Variants in STX11 observed in about 807,000 individuals in gnomAD.
The protein encoded by STX11 is syntaxin 11.
A neutral mutation model predicts 19.9 loss-of-function variants in STX11; 21 were observed. That is an observed-to-expected ratio of 1.06 (90% CI 0.75 to 1.52). The LOEUF (loss-of-function observed/expected upper bound fraction) is 1.52, where lower values mean the gene tolerates loss of function less well. Ranked by LOEUF, STX11 falls within the 40% of genes most tolerant of loss-of-function variation. The pLI is 0.00. For missense variants in STX11, 438 were observed against 405.9 expected (o/e 1.08, Z -0.68); for synonymous variants, 193 against 174.4 (o/e 1.11, Z -0.84).
rs1211802333 is a variant in STX11 at position 144,159,368 on chromosome 6, AC to A, written c.-6+8668del. On this transcript the variant is annotated intron_variant, in intron 1 of 1. Transcript: ENST00000367568. This position sits in a 1 kb window ranked among gnomAD's most constrained non-coding sequence, Gnocchi z 4.3. ...GCGAAGTGAAATTATAGAGCTGGAA[AC>A]CCAGCCTAGTCTAAGGTCAGAGGAA... is the stretch of plus-strand genomic sequence containing the variant. Among the ~76,000 whole-genome samples the A allele has an allele frequency of 2.6e-5, 4 of 152,334 alleles. No homozygotes were observed. The highest frequency in any genetic ancestry group is 2.0e-4 in the Admixed American group (3 of 15,298).
chr6:144,159,885 C>T lies in STX11; in HGVS notation c.-6+9182C>T, dbSNP rs939320456. ...TGCCCACTGAGGTTTCTCATCTTTC[C>T]AGGTCACTTTTGATGCCCTGGGTGA... On this transcript the variant is annotated intron_variant, in intron 1 of 1. Coordinates refer to ENST00000367568, the MANE Select transcript of STX11 (RefSeq NM_003764.4). This position sits in a 1 kb window ranked among gnomAD's most constrained non-coding sequence, Gnocchi z 4.3. Among the ~76,000 whole-genome samples, 2 of 152,120 alleles carry T rather than the reference C, an allele frequency of 1.3e-5. No individual in the cohort carries two copies. The highest frequency in any genetic ancestry group is 2.9e-5 in the Non-Finnish European group (2 of 68,024).
rs929298567 is a variant in STX11 at position 144,154,773 on chromosome 6, C to T, written c.-6+4070C>T. Among the ~76,000 whole-genome samples, 32 of 152,164 alleles carry T rather than the reference C, an allele frequency of 2.1e-4. No homozygotes were observed. Among genetic ancestry groups the T allele is most frequent in the African/African-American group, 7.0e-4 (29 of 41,426 alleles). On this transcript the variant is annotated intron_variant, in intron 1 of 1. Coordinates refer to ENST00000367568, the MANE Select transcript of STX11 (RefSeq NM_003764.4). This position sits in a 1 kb window ranked among gnomAD's most constrained non-coding sequence, Gnocchi z 4.7. ...AGGCGCCTTACCTGCCTCTAACTTC[C>T]AGAATTTTATTAAGTGAGTCTGGTC...
chr6:144,174,910 G>T lies in STX11; in HGVS notation c.-5-11713G>T. 6.6e-6 allele frequency among the ~76,000 whole-genome samples: 1 copy of T among 152,168 alleles called. No homozygotes were observed. Among genetic ancestry groups the T allele is most frequent in the African/African-American group, 2.4e-5 (1 of 41,522 alleles). ...CACTTTGGGAGGTTGAGGCAGAGGG[G>T]ATCACTTGTGCTCCAGAGTTTGAGA... is the stretch of plus-strand genomic sequence containing the variant. On this transcript the variant is annotated intron_variant, in intron 1 of 1. Coordinates refer to ENST00000367568, the MANE Select transcript of STX11 (RefSeq NM_003764.4). This position sits in a 1 kb window ranked among gnomAD's most constrained non-coding sequence, Gnocchi z 5.3.
chr6:144,158,865 T>G lies in STX11; in HGVS notation c.-6+8162T>G, dbSNP rs559517443. ...TCCTGAAACACCAAATTGCTGTGTT[T>G]CTTACACTTTCCAGGCTTCATGCCT... is the stretch of plus-strand genomic sequence containing the variant. On this transcript the variant is annotated intron_variant, in intron 1 of 1. Coordinates refer to ENST00000367568, the MANE Select transcript of STX11 (RefSeq NM_003764.4). Among the ~76,000 whole-genome samples, 55 of 152,364 alleles carry G rather than the reference T, an allele frequency of 3.6e-4. No individual in the cohort carries two copies. In the South Asian group the frequency reaches 0.01, roughly 29 times the overall value.
the STX11 span, among the ~76,000 whole-genome samples, chr6:144,143,367 T>A: frequency 7.2e-5 from 11 of 152,078 alleles, no homozygotes; most frequent in Admixed American, 5.2e-4. Flanking sequence ...CAAAGGGAAA[T>A]GGATAGCATA....
chr6:144,162,686 A>G lies in STX11; in HGVS notation c.-6+11983A>G, dbSNP rs1228715903. Among the ~76,000 whole-genome samples, 1 of 152,194 alleles carries G rather than the reference A, an allele frequency of 6.6e-6. No individual in the cohort carries two copies. The highest frequency in any genetic ancestry group is 1.5e-5 in the Non-Finnish European group (1 of 68,024). On this transcript the variant is annotated intron_variant, in intron 1 of 1. Transcript: ENST00000367568. The surrounding 1 kb of genome is among the most constrained non-coding windows in gnomAD (Gnocchi z 4.6). ...TTTGAATTTGGATAGGGGATGGGAA[A>G]GGTTGAGGGACATCTCTGGTTGGAG...
In STX11 at chr6:144,175,380, GT is replaced by G. The variant is rs1801753635; in HGVS notation, c.-5-11236del. On this transcript the variant is annotated intron_variant, in intron 1 of 1. Coordinates refer to ENST00000367568, the MANE Select transcript of STX11 (RefSeq NM_003764.4). The surrounding 1 kb of genome is among the most constrained non-coding windows in gnomAD (Gnocchi z 5.1). ...AAATGGAAATGGCAATTACATAAGA[GT>G]TTTTTTCCACTTTGCTAATAACATT... Among the ~76,000 whole-genome samples the G allele has an allele frequency of 6.6e-6, 1 of 152,048 alleles. No homozygotes were observed. The highest frequency in any genetic ancestry group is 1.5e-5 in the Non-Finnish European group (1 of 67,998).
chr6:144,149,816 C>T (rs1800947348), upstream of STX11, among the ~76,000 whole-genome samples: 1 of 152,176 alleles, frequency 6.6e-6, no homozygotes, highest in South Asian at 2.1e-4. This position sits in a 1 kb window ranked among gnomAD's most constrained non-coding sequence, Gnocchi z 5.1. Context: ...TACTTTTCAG[C>T]CTCAGCCTTG....
In STX11 at chr6:144,183,623, T is replaced by A. The variant is rs959413375; in HGVS notation, c.-5-3000T>A. Among the ~76,000 whole-genome samples the A allele has an allele frequency of 2.0e-5, 3 of 152,118 alleles. No individual in the cohort carries two copies. The highest frequency in any genetic ancestry group is 2.1e-4 in the South Asian group (1 of 4,826). ...ACACCACAGGAGTTTTAAATTAGAC[T>A]TTTTTTTAATCTAGAAAAAAAATTT... On this transcript the variant is annotated intron_variant, in intron 1 of 1. Coordinates refer to ENST00000367568, the MANE Select transcript of STX11 (RefSeq NM_003764.4). The surrounding 1 kb of genome is among the most constrained non-coding windows in gnomAD (Gnocchi z 4.6).
chr6:144,185,588 G>GCTGC (rs1003585751), intron 1 of STX11, among the ~76,000 whole-genome samples: 13 of 152,140 alleles, frequency 8.5e-5, no homozygotes, highest in Admixed American at 7.2e-4. Context: ...TTCTGCTTGA[G>GCTGC]CTGCCAACTT....
In STX11 at chr6:144,187,027, G is replaced by A. The variant is rs2128757117; in HGVS notation, c.400G>A (p.Ala134Thr). The change falls in exon 2 of 2, where the codon GCG (alanine) becomes ACG (threonine). Residue 134 changes from alanine to threonine, a missense_variant. Physicochemically the swap from Ala to Thr is moderately conservative, Grantham distance 58 (BLOSUM62 0). Coordinates refer to ENST00000367568, the MANE Select transcript of STX11 (RefSeq NM_003764.4). This position sits in a 1 kb window ranked among gnomAD's most constrained non-coding sequence, Gnocchi z 5.6. ...VARISRAQYN[A>T]LTLTFQRAMH... is the part of the protein sequence containing the mutation. ...GCGCATTTCGCGGGCGCAGTACAAC[G>A]CGCTCACCCTCACCTTCCAGCGCGC... is the stretch of plus-strand genomic sequence containing the variant. 3 of 1,612,250 alleles carry A rather than the reference G, an allele frequency of 1.9e-6. No homozygotes were observed. Among genetic ancestry groups the A allele is most frequent in the Non-Finnish European group, 2.5e-6 (3 of 1,179,902 alleles).
rs1801971531 is a variant in STX11, at chr6:144,184,067, CCT to C, written c.-5-2553_-5-2552del. ...TCCCTGCAAAGAACATGATCTCATT[CCT>C]CTTTATGGCTGTATAGTACAGTCTA... On this transcript the variant is annotated intron_variant, in intron 1 of 1. Coordinates refer to ENST00000367568, the MANE Select transcript of STX11 (RefSeq NM_003764.4). This position sits in a 1 kb window ranked among gnomAD's most constrained non-coding sequence, Gnocchi z 6.5. Among the ~76,000 whole-genome samples, 1 of 152,154 alleles carries C rather than the reference CCT, an allele frequency of 6.6e-6. No homozygotes were observed. Among genetic ancestry groups the C allele is most frequent in the African/African-American group, 2.4e-5 (1 of 41,438 alleles).
Position 144,151,478 on chromosome 6 carries a change from C to A in STX11, c.-6+775C>A. ...GTTAATGAACTTTTGAAAAGCGAGG[C>A]TTGCTTTAAAATGAGACTCTAGATG... is the stretch of plus-strand genomic sequence containing the variant. On this transcript the variant is annotated intron_variant, in intron 1 of 1. Coordinates refer to ENST00000367568, the MANE Select transcript of STX11 (RefSeq NM_003764.4). The surrounding 1 kb of genome is among the most constrained non-coding windows in gnomAD (Gnocchi z 4.6). The A allele has an allele frequency of 1.0e-6, 1 of 971,718 alleles. No individual in the cohort carries two copies. The highest frequency in any genetic ancestry group is 1.2e-6 in the Non-Finnish European group (1 of 817,484). The allele number at this position is 971,718 out of a possible 1,614,324, so 60.2% of individuals were successfully genotyped here.
chr6:144,147,402 A>AT (rs900935153), upstream of STX11, among the ~76,000 whole-genome samples: 37 of 152,124 alleles, frequency 2.4e-4, no homozygotes, highest in African/African-American at 6.3e-4. This position sits in a 1 kb window ranked among gnomAD's most constrained non-coding sequence, Gnocchi z 4.2. Flanking sequence ...TTTTACAAAA[A>AT]TTTTTTTAAT....
chr6:144,145,623 T>C (rs1800859107), upstream of STX11, among the ~76,000 whole-genome samples: 1 of 152,160 alleles, frequency 6.6e-6, no homozygotes, highest in Non-Finnish European at 1.5e-5. Flanking sequence ...CTGGAGGACA[T>C]TATGTTAAGT....
rs1303028644 is a variant in STX11 at position 144,155,990 on chromosome 6, CTTT to C, written c.-6+5288_-6+5290del. ...TCTTTCTTTCTTTCTTTCTTTCTTTCTTTCTTTCTTTCTTTCTTTCTTTCTCTC... is the reference window on the plus strand; with the variant it reads ...TCTTTCTTTCTTTCTTTCTTTCTTTCCTTTCTTTCTTTCTTTCTTTCTCTC... On this transcript the variant is annotated intron_variant, in intron 1 of 1. Transcript: ENST00000367568. The surrounding 1 kb of genome is among the most constrained non-coding windows in gnomAD (Gnocchi z 4.5). Among the ~76,000 whole-genome samples the C allele has an allele frequency of 1.8e-3, 242 of 132,260 alleles. 15 individuals are homozygous for C. In the East Asian group the frequency reaches 0.033, roughly 18 times the overall value. 86.8% of individuals were successfully genotyped at this position (132,260 alleles called of 152,430 possible).
At position 144,155,769 on chromosome 6, in the gene STX11, C is replaced by T. The variant is rs1562655153; in HGVS notation, c.-6+5066C>T. Among the ~76,000 whole-genome samples the T allele has an allele frequency of 6.6e-6, 1 of 152,240 alleles. No individual in the cohort carries two copies. Among genetic ancestry groups the T allele is most frequent in the East Asian group, 1.9e-4 (1 of 5,182 alleles). On this transcript the variant is annotated intron_variant, in intron 1 of 1. Coordinates refer to ENST00000367568, the MANE Select transcript of STX11 (RefSeq NM_003764.4). The surrounding 1 kb of genome is among the most constrained non-coding windows in gnomAD (Gnocchi z 4.5). Reference sequence around the variant, plus strand: ...AATGAAACCATCTGTCAGAGTAAGTCATTTCTTGGCCACTCCTTCTGAGTT... The same window carrying T: ...AATGAAACCATCTGTCAGAGTAAGTTATTTCTTGGCCACTCCTTCTGAGTT...
chr6:144,175,214 G>A lies in STX11; in HGVS notation c.-5-11409G>A, dbSNP rs1801748779. Among the ~76,000 whole-genome samples the A allele has an allele frequency of 6.6e-6, 1 of 152,160 alleles. No individual in the cohort carries two copies. The highest frequency in any genetic ancestry group is 2.4e-5 in the African/African-American group (1 of 41,426). On this transcript the variant is annotated intron_variant, in intron 1 of 1. Transcript: ENST00000367568. This position sits in a 1 kb window ranked among gnomAD's most constrained non-coding sequence, Gnocchi z 5.1. The stretch of plus-strand genomic sequence containing the variant: ...GCCATGATTGTGCCACTGTACTCCA[G>A]CCTGGGCAACAGAGCGAGACCCTGT...
At position 144,162,008 on chromosome 6, in the gene STX11, A is replaced by G. The variant is rs570310416; in HGVS notation, c.-6+11305A>G. Among the ~76,000 whole-genome samples the G allele has an allele frequency of 2.0e-5, 3 of 152,162 alleles. No individual in the cohort carries two copies. The highest frequency in any genetic ancestry group is 4.4e-5 in the Non-Finnish European group (3 of 68,026). ...TGAAGGAGGAGGGTTTGAAGGTGCA[A>G]CATTCCATGTAAAAATATTCACTGA... On this transcript the variant is annotated intron_variant, in intron 1 of 1. Transcript: ENST00000367568. This position sits in a 1 kb window ranked among gnomAD's most constrained non-coding sequence, Gnocchi z 4.6.
Sources: allele counts gnomAD v4.1 joint callset (sites outside exome capture counted in the v4.1 genomes callset), GRCh38; gene constraint gnomAD v4.1.1; non-coding constraint Gnocchi (gnomAD v3.1); transcripts MANE v1.5; gene names NCBI Gene and HGNC (gene_info 2026-07-23, HGNC 2026-07-21).